The following SPOCK3 variants were observed in gnomAD, a reference collection of about 807,000 sequenced individuals.
SPOCK3 encodes testican-3.
In SPOCK3, 30 loss-of-function variants were observed where a neutral mutation model predicts 56.6. That is an observed-to-expected ratio of 0.53 (90% CI 0.40 to 0.72). The LOEUF is 0.72. SPOCK3 is among the 30% of genes least tolerant of loss of function. The pLI is 0.00. For missense variants in SPOCK3, 527 were observed against 530.0 expected, an observed-to-expected ratio of 0.99 and a Z score of 0.06; for synonymous variants, 196 against 183.3, an observed-to-expected ratio of 1.07 and a Z score of -0.56.
intron 2 of SPOCK3, among the ~76,000 whole-genome samples, chr4:167,067,268 AC>A (rs1756249424): frequency 6.6e-6 from 1 of 151,910 alleles, no homozygotes; most frequent in South Asian, 2.1e-4. Flanking sequence ...ACAAAGCACC[AC>A]ACTTTTAAAT....
At chr4:166,947,582 T>C (rs1409211942) in intron 4 of SPOCK3, among the ~76,000 whole-genome samples, 49 of 152,152 alleles carry the variant, frequency 3.2e-4, no homozygotes, top group Non-Finnish European at 1.0e-4. Flanking sequence ...TACAGTATCA[T>C]TGGCAATTTA....
At chr4:166,828,865 A>G (rs1745740661) in intron 6 of SPOCK3, among the ~76,000 whole-genome samples, 2 of 152,050 alleles carry the variant, frequency 1.3e-5, no homozygotes, top group African/African-American at 2.4e-5. Context: ...AAAGGCTTGA[A>G]TCCCCCAAGA....
chr4:166,867,280 C>T (rs1242628247), intron 6 of SPOCK3, among the ~76,000 whole-genome samples: 1 of 151,824 alleles, frequency 6.6e-6, no homozygotes, highest in Non-Finnish European at 1.5e-5. Flanking sequence ...ATAATAATTT[C>T]TCGGATAAAG....
chr4:166,897,331 T>C (rs1396878834), intron 5 of SPOCK3, among the ~76,000 whole-genome samples: 1 of 152,162 alleles, frequency 6.6e-6, no homozygotes. Context: ...CTGTATTATC[T>C]ATTCAATTTT....
chr4:167,119,670 T>A (rs1761708604), intron 2 of SPOCK3: 1 of 646,706 alleles, frequency 1.5e-6, no homozygotes, highest in East Asian at 2.9e-5. Context: ...GACTTGTTTG[T>A]TTGATGCATA....
rs17052998 is a variant in SPOCK3 at position 167,136,024 on chromosome 4, T to C, written c.190-73487A>G. Among the ~76,000 whole-genome samples, 915 of 152,140 alleles carry C rather than the reference T, an allele frequency of 6.0e-3. 16 individuals are homozygous for C. Among genetic ancestry groups the C allele is most frequent in the African/African-American group, 0.021 (862 of 41,450 alleles). On this transcript the variant is annotated intron_variant, in intron 2 of 10. Coordinates refer to ENST00000357545, the MANE Select transcript of SPOCK3 (RefSeq NM_001040159.2). Reference sequence around the variant, plus strand: ...TCCCACCTTTTAGCTAATGTCCAAATATGCTTATTTTCATTTTTTTTTCCC... The same window carrying C: ...TCCCACCTTTTAGCTAATGTCCAAACATGCTTATTTTCATTTTTTTTTCCC...
intron 6 of SPOCK3, among the ~76,000 whole-genome samples, chr4:166,852,471 A>C (rs143171940): frequency 6.6e-6 from 1 of 152,078 alleles, no homozygotes; most frequent in Non-Finnish European, 1.5e-5. Context: ...CTAAGAGTTA[A>C]ACAGAAACGA....
At chr4:166,820,767 G>A (rs1260060442) in intron 6 of SPOCK3, among the ~76,000 whole-genome samples, 3 of 151,896 alleles carry the variant, frequency 2.0e-5, no homozygotes, top group Non-Finnish European at 2.9e-5. Flanking sequence ...GAGGCTGCAA[G>A]GAGTAGAGAT....
intron 2 of SPOCK3, among the ~76,000 whole-genome samples, chr4:167,066,819 G>T (rs758116054): frequency 2.0e-5 from 3 of 151,770 alleles, no homozygotes; most frequent in Non-Finnish European, 4.4e-5. Context: ...GTTCAGAAAG[G>T]TGATCAGTGT....
At chr4:167,115,405 C>A (rs1761250880) in intron 2 of SPOCK3, among the ~76,000 whole-genome samples, 1 of 150,150 alleles carries the variant, frequency 6.7e-6, no homozygotes, top group African/African-American at 2.4e-5. Context: ...AATGAAGCAC[C>A]AAAATAATAT....
At chr4:166,911,094 A>G (rs1339996052) in intron 5 of SPOCK3, among the ~76,000 whole-genome samples, 1 of 152,140 alleles carries the variant, frequency 6.6e-6, no homozygotes, top group Non-Finnish European at 1.5e-5. Context: ...TACCTATACC[A>G]TGTTAAATTC....
At chr4:166,885,623 T>A (rs1734108705) in intron 6 of SPOCK3, among the ~76,000 whole-genome samples, 1 of 152,118 alleles carries the variant, frequency 6.6e-6, no homozygotes, top group Admixed American at 6.6e-5. Flanking sequence ...CCTGTTACTT[T>A]TTAAAATAGG....
intron 4 of SPOCK3, among the ~76,000 whole-genome samples, chr4:166,992,446 GA>G (rs1186070924): frequency 6.6e-6 from 1 of 152,050 alleles, no homozygotes; most frequent in Non-Finnish European, 1.5e-5. Flanking sequence ...AAGCAATATA[GA>G]AATAGACTGA....
At chr4:166,920,624 C>G (rs1285124620) in intron 4 of SPOCK3, among the ~76,000 whole-genome samples, 10 of 152,016 alleles carry the variant, frequency 6.6e-5, no homozygotes, top group African/African-American at 2.4e-4. Flanking sequence ...CAAGGAGATT[C>G]TATATTTGGA....
intron 3 of SPOCK3, among the ~76,000 whole-genome samples, chr4:167,052,726 T>C (rs942718958): frequency 2.0e-5 from 3 of 152,174 alleles, no homozygotes; most frequent in South Asian, 2.1e-4. Flanking sequence ...GACCTTTCTA[T>C]TGTTTCAGAA....
At chr4:166,774,755 T>C (rs542438489) in intron 7 of SPOCK3, among the ~76,000 whole-genome samples, 97 of 152,252 alleles carry the variant, frequency 6.4e-4, no homozygotes, top group African/African-American at 2.1e-3. Context: ...AGTGGTTCTG[T>C]TGAAATCCCT....
chr4:166,800,183 G>GAAAAAACAAAAAAAAAAAAAAAAA (rs1742414491), intron 6 of SPOCK3, among the ~76,000 whole-genome samples: 1 of 51,776 alleles, frequency 1.9e-5, no homozygotes, highest in African/African-American at 7.9e-5. Context: ...CTCCATCTCA[G>GAAAAAACAAAAAAAAAAAAAAAAA]AAAAAAAAAA....
intron 5 of SPOCK3, among the ~76,000 whole-genome samples, chr4:166,906,605 G>A (rs936856239): frequency 4.0e-5 from 6 of 151,416 alleles, no homozygotes; most frequent in African/African-American, 1.2e-4. Context: ...TTTCTGCAAC[G>A]AGTAATAATC....
At chr4:166,768,649 C>T (rs1169060610) in intron 7 of SPOCK3, among the ~76,000 whole-genome samples, 1 of 152,128 alleles carries the variant, frequency 6.6e-6, no homozygotes, top group Non-Finnish European at 1.5e-5. Context: ...TTTGATGAAT[C>T]TGATAATTAC....
Sources: allele counts gnomAD v4.1 joint callset (sites outside exome capture counted in the v4.1 genomes callset), GRCh38; gene constraint gnomAD v4.1.1; transcripts MANE v1.5; gene names NCBI Gene and HGNC (gene_info 2026-07-23, HGNC 2026-07-21).